The following YBX3 variants were observed in gnomAD, a reference collection of about 807,000 sequenced individuals.
YBX3 encodes the protein Y-box-binding protein 3.
A neutral mutation model predicts 42.4 loss-of-function variants in YBX3; 29 were observed. That is an observed-to-expected ratio of 0.68 (90% CI 0.51 to 0.93). YBX3 has a LOEUF of 0.93. YBX3 is among the 40% of genes least tolerant of loss of function. The pLI is 0.00. For missense variants in YBX3, 517 were observed against 527.5 expected, an observed-to-expected ratio of 0.98 and a Z score of 0.19; for synonymous variants, 195 against 189.8, an observed-to-expected ratio of 1.03 and a Z score of -0.22.
intron 6 of YBX3, among the ~76,000 whole-genome samples, chr12:10,708,482 G>C (rs936351302): frequency 1.1e-4 from 17 of 152,142 alleles, no homozygotes; most frequent in Non-Finnish European, 1.5e-4. Context: ...TAGTTATATG[G>C]ATGAGAGCTT....
At chr12:10,707,697 A>G (rs1462217848) in intron 6 of YBX3, among the ~76,000 whole-genome samples, 11 of 152,196 alleles carry the variant, frequency 7.2e-5, no homozygotes, top group Non-Finnish European at 1.3e-4. Context: ...CATTTACAGT[A>G]GGTCAAGTCT....
intron 2 of YBX3, among the ~76,000 whole-genome samples, chr12:10,718,652 T>C (rs773123568): frequency 3.0e-4 from 45 of 152,170 alleles, no homozygotes; most frequent in Admixed American, 9.8e-4. Context: ...TCCTGTACGG[T>C]TAAAAGTTAC....
In YBX3 at chr12:10,704,107, TC is replaced by T; in HGVS notation, c.821del (p.Gly274GlufsTer114). The T allele has an allele frequency of 6.2e-7, 1 of 1,614,164 alleles. No homozygotes were observed. The highest frequency in any genetic ancestry group is 1.1e-5 in the South Asian group (1 of 91,084). On this transcript the variant is annotated frameshift_variant, in exon 7 of 10. Coordinates refer to ENST00000228251, the MANE Select transcript of YBX3 (RefSeq NM_003651.5). LOFTEE classifies it high-confidence loss of function. ...GATGAACCGGTCCCTGAAGTTGTGC[TC>T]CCTCTGGGACTCCATCCTTCATCTC... is the stretch of plus-strand genomic sequence containing the variant. The part of the protein sequence containing the change: ...IGEMKDGVPE[G>X]AQLQGPVHRN...
chr12:10,715,489 T>C (rs893791919), intron 4 of YBX3, among the ~76,000 whole-genome samples: 17 of 151,596 alleles, frequency 1.1e-4, no homozygotes, highest in Admixed American at 7.9e-4. Flanking sequence ...GAAGTTGCAG[T>C]GAACCAAGAT....
chr12:10,723,214 G>C lies in YBX3; in HGVS notation c.-103C>G. 1 of 1,169,970 alleles carries C rather than the reference G, an allele frequency of 8.5e-7. No homozygotes were observed. Among genetic ancestry groups the C allele is most frequent in the Non-Finnish European group, 1.1e-6 (1 of 948,452 alleles). 72.5% of individuals were successfully genotyped at this position (1,169,970 alleles called of 1,614,324 possible). Reference sequence around the variant, plus strand: ...GCCGGGGCTCGCTCTCGGGGAGGCCGGGGCGGATCTCGCGGCGCAGGCGGC... The same window carrying C: ...GCCGGGGCTCGCTCTCGGGGAGGCCCGGGCGGATCTCGCGGCGCAGGCGGC... On this transcript the variant is annotated 5_prime_UTR_variant, in exon 1 of 10. Transcript: ENST00000228251.
At position 10,709,945 on chromosome 12, in the gene YBX3, C is replaced by CGGTCAAAGGTCT; in HGVS notation, c.731_742dup (p.Gln244_Asp247dup). The CGGTCAAAGGTCT allele has an allele frequency of 1.2e-6, 2 of 1,614,172 alleles. No individual in the cohort carries two copies. The highest frequency in any genetic ancestry group is 1.7e-6 in the Non-Finnish European group (2 of 1,180,038). ...GGGATGGGGTAAGACCCGTGAGCGA[C>CGGTCAAAGGTCT]GGTCAAAGGTCTGTCCCACGTGGTA... On this transcript the variant is annotated inframe_insertion, in exon 6 of 10. Transcript: ENST00000228251.
chr12:10,711,341 A>C (rs1362168472), intron 5 of YBX3: 1 of 152,050 alleles, frequency 6.6e-6, no homozygotes, highest in South Asian at 2.1e-4. Flanking sequence ...TTTTTTTTAC[A>C]GGAGTGTATT....
chr12:10,708,538 TAGTC>T (rs1241694815), intron 6 of YBX3, among the ~76,000 whole-genome samples: 6 of 152,214 alleles, frequency 3.9e-5, no homozygotes, highest in East Asian at 1.9e-4. Context: ...CCAGACTACT[TAGTC>T]AGAGAGCTAG....
chr12:10,713,226 A>G lies in YBX3; in HGVS notation c.558T>C (p.Arg186=). The G allele has an allele frequency of 6.2e-7, 1 of 1,612,376 alleles. No homozygotes were observed. Among genetic ancestry groups the G allele is most frequent in the African/African-American group, 1.3e-5 (1 of 74,874 alleles). ...RYRRGYYGRR[R]GPPRNYAGEE... ...GACAACGTACATTCCGGGGAGGGCCACGGCGCCTTCCATAGTAGCCACGTC... is the reference window on the plus strand; with the variant it reads ...GACAACGTACATTCCGGGGAGGGCCGCGGCGCCTTCCATAGTAGCCACGTC... The change falls in exon 5 of 10, where the codon CGT becomes CGC. Residue 186 remains arginine, a synonymous_variant. Coordinates refer to ENST00000228251, the MANE Select transcript of YBX3 (RefSeq NM_003651.5).
intron 5 of YBX3, chr12:10,711,019 T>G (rs1195267212): frequency 6.5e-6 from 1 of 153,702 alleles, no homozygotes; most frequent in Non-Finnish European, 1.4e-5. Context: ...ACCACTGACC[T>G]AAGGCATGAC....
Position 10,719,140 on chromosome 12 carries a change from G to C in YBX3, c.266C>G (p.Thr89Ser). Residue 89 changes from threonine (T) to serine (S), a missense_variant, in exon 2 of 10, where the codon ACC (threonine) becomes AGC (serine). Around this residue, in one of 3 missense-constraint regions of YBX3, gnomAD observed 420 missense variants for 408.5 expected, o/e 1.03. Coordinates refer to ENST00000228251, the MANE Select transcript of YBX3 (RefSeq NM_003651.5). ...SEDAEKKVLA[T>S]KVLGTVKWFN... Reference sequence around the variant, plus strand: ...CCATTTGACAGTGCCAAGGACTTTGGTGGCTAAAATAGGATTAAGCAGATA... The same window carrying C: ...CCATTTGACAGTGCCAAGGACTTTGCTGGCTAAAATAGGATTAAGCAGATA... The C allele has an allele frequency of 6.2e-7, 1 of 1,613,292 alleles. No individual in the cohort carries two copies. Among genetic ancestry groups the C allele is most frequent in the Non-Finnish European group, 8.5e-7 (1 of 1,179,552 alleles).
intron 4 of YBX3, 75 bp downstream of exon 4, chr12:10,715,619 G>C: frequency 1.5e-6 from 2 of 1,298,136 alleles, no homozygotes; most frequent in Non-Finnish European, 2.2e-6. Flanking sequence ...CAATTCATAA[G>C]GGGCTGATAG....
chr12:10,717,887 T>G (rs1037532025), intron 3 of YBX3: 16 of 419,868 alleles, frequency 3.8e-5, no homozygotes, highest in Non-Finnish European at 4.2e-5. Flanking sequence ...ATAAAACTAT[T>G]TGAAAACAGT....
chr12:10,716,489 G>A (rs1948263830), intron 3 of YBX3, among the ~76,000 whole-genome samples: 1 of 151,898 alleles, frequency 6.6e-6, no homozygotes, highest in South Asian at 2.1e-4. Flanking sequence ...GGTTAGTGAA[G>A]ATGCTATTCT....
At chr12:10,706,777 G>A (rs879297729) in intron 6 of YBX3, among the ~76,000 whole-genome samples, 2 of 151,912 alleles carry the variant, frequency 1.3e-5, no homozygotes, top group Non-Finnish European at 2.9e-5. Flanking sequence ...CAGCACTTTG[G>A]GAGGCCAAGG....
At chr12:10,705,470 C>G (rs1948127041) in intron 6 of YBX3, among the ~76,000 whole-genome samples, 1 of 152,298 alleles carries the variant, frequency 6.6e-6, no homozygotes, top group Middle Eastern at 3.4e-3. Flanking sequence ...TATTGGTGTT[C>G]ACTAATGATT....
At chr12:10,722,739 T>C (rs1307886297) in intron 1 of YBX3, 111 bp downstream of exon 1, 5 of 1,013,664 alleles carry the variant, frequency 4.9e-6, no homozygotes, top group Non-Finnish European at 6.4e-6. Context: ...CCCTGTGCTG[T>C]CAGCGTCTCC....
chr12:10,700,565 A>T (rs1207669213), intron 9 of YBX3, among the ~76,000 whole-genome samples: 3 of 152,186 alleles, frequency 2.0e-5, no homozygotes, highest in African/African-American at 7.2e-5. Context: ...AAAAGTAGAA[A>T]ATGACAAGAA....
Position 10,719,118 on chromosome 12 carries a change from T to C in YBX3, c.288A>G (p.Lys96=), listed in dbSNP as rs1184071039. ...CATATCCATTTCTGACGTTGAACCATTTGACAGTGCCAAGGACTTTGGTGG... is the reference window on the plus strand; with the variant it reads ...CATATCCATTTCTGACGTTGAACCACTTGACAGTGCCAAGGACTTTGGTGG... The part of the protein sequence containing the change: ...VLATKVLGTV[K]WFNVRNGYGF... Residue 96 remains lysine (K), a synonymous_variant, in exon 2 of 10, where the codon AAA becomes AAG. Transcript: ENST00000228251. 2 of 1,613,500 alleles carry C rather than the reference T, an allele frequency of 1.2e-6. No individual in the cohort carries two copies. Among genetic ancestry groups the C allele is most frequent in the Non-Finnish European group, 1.7e-6 (2 of 1,179,746 alleles).
Sources: allele counts gnomAD v4.1 joint callset (sites outside exome capture counted in the v4.1 genomes callset), GRCh38; gene constraint gnomAD v4.1.1; regional missense constraint gnomAD v4.1.1; transcripts MANE v1.5; gene names NCBI Gene and HGNC (gene_info 2026-07-23, HGNC 2026-07-21).